HCRTR2: variants seen among roughly 807,000 people sequenced by gnomAD.
The protein encoded by HCRTR2 is hypocretin receptor 2.
In HCRTR2, 22 loss-of-function variants were observed where a neutral mutation model predicts 49.0. That is an observed-to-expected ratio of 0.45 (90% confidence interval 0.32 to 0.64). The LOEUF is 0.64. Among genes scored for constraint, HCRTR2 ranks in the 30% least tolerant of loss-of-function variants. The pLI is 0.04. For missense variants in HCRTR2, 491 were observed against 559.4 expected (o/e 0.88, Z 1.23); for synonymous variants, 236 against 205.3 (o/e 1.15, Z -1.28).
chr6:55,109,066 A>C (rs1053629776), intron 1 of HCRTR2, among the ~76,000 whole-genome samples: 1 of 152,242 alleles, frequency 6.6e-6, no homozygotes, highest in Non-Finnish European at 1.5e-5. Context: ...GATTGATCAT[A>C]TCACAGGACT....
At chr6:55,186,110 C>G (rs563562458) in intron 1 of HCRTR2, among the ~76,000 whole-genome samples, 5 of 152,042 alleles carry the variant, frequency 3.3e-5, no homozygotes, top group African/African-American at 4.8e-5. Flanking sequence ...CTGTTGTCTC[C>G]CTTAAGTAAA....
chr6:55,226,711 GTTT>G (rs777871106), intron 1 of HCRTR2, among the ~76,000 whole-genome samples: 203 of 74,284 alleles, frequency 2.7e-3, no homozygotes, highest in African/African-American at 0.01. Context: ...AATTCCAGGT[GTTT>G]TTTTTTTTTT....
intron 1 of HCRTR2, among the ~76,000 whole-genome samples, chr6:55,144,846 T>C (rs1252619761): frequency 6.6e-6 from 1 of 152,190 alleles, no homozygotes; most frequent in Non-Finnish European, 1.5e-5. Context: ...ATGCTTATCT[T>C]GTGAGCTCTG....
chr6:55,148,684 T>C (rs761502026), intron 1 of HCRTR2, among the ~76,000 whole-genome samples: 1 of 152,128 alleles, frequency 6.6e-6, no homozygotes, highest in Admixed American at 6.6e-5. Context: ...AAATACTGTA[T>C]CTCTGAGATG....
intron 1 of HCRTR2, among the ~76,000 whole-genome samples, chr6:55,154,426 A>G (rs917218390): frequency 2.0e-5 from 3 of 151,892 alleles, no homozygotes; most frequent in Non-Finnish European, 2.9e-5. Flanking sequence ...ATCATATAGC[A>G]TGACCAGTGA....
chr6:55,112,548 C>CAAAAA (rs34704863), intron 1 of HCRTR2, among the ~76,000 whole-genome samples: 1 of 79,166 alleles, frequency 1.3e-5, no homozygotes, highest in Non-Finnish European at 2.7e-5. Flanking sequence ...ACAATAGCTG[C>CAAAAA]AAAAAAAAAA....
At chr6:55,242,223 C>T (rs1766349796) in intron 1 of HCRTR2, among the ~76,000 whole-genome samples, 1 of 152,086 alleles carries the variant, frequency 6.6e-6, no homozygotes, top group Admixed American at 6.5e-5. Flanking sequence ...AATTCAACAA[C>T]TTAATCAGTT....
At chr6:55,237,069 C>T (rs1766228041) in intron 1 of HCRTR2, among the ~76,000 whole-genome samples, 1 of 151,912 alleles carries the variant, frequency 6.6e-6, no homozygotes, top group African/African-American at 2.4e-5. Context: ...ATGGTTTTAT[C>T]TAATCTTTCT....
intron 1 of HCRTR2, among the ~76,000 whole-genome samples, chr6:55,193,685 C>T (rs1284907872): frequency 6.6e-6 from 1 of 151,984 alleles, no homozygotes; most frequent in East Asian, 1.9e-4. Context: ...ATACTGTCTC[C>T]ACATTTCTCA....
At chr6:55,242,016 C>G (rs1042851121) in intron 1 of HCRTR2, among the ~76,000 whole-genome samples, 1 of 151,148 alleles carries the variant, frequency 6.6e-6, no homozygotes, top group Non-Finnish European at 1.5e-5. Context: ...TTACAGGCTC[C>G]CACCACCAAG....
At chr6:55,159,211 C>A (rs939833077) in intron 1 of HCRTR2, among the ~76,000 whole-genome samples, 1 of 151,888 alleles carries the variant, frequency 6.6e-6, no homozygotes, top group Non-Finnish European at 1.5e-5. Flanking sequence ...CTTCAGCAGA[C>A]GGGCCTGAGT....
At chr6:55,169,929 A>G (rs1460620018), upstream of HCRTR2, among the ~76,000 whole-genome samples, 1 of 152,056 alleles carries the variant, frequency 6.6e-6, no homozygotes, top group African/African-American at 2.4e-5. Context: ...AGATACATTT[A>G]CTGAAATGCA....
intron 1 of HCRTR2, among the ~76,000 whole-genome samples, chr6:55,169,257 A>G (rs1764917057): frequency 6.6e-6 from 1 of 151,748 alleles, no homozygotes; most frequent in Non-Finnish European, 1.5e-5. Context: ...ACATAAGGGG[A>G]AAATATCAGA....
chr6:55,170,873 G>T (rs141146795), upstream of HCRTR2, among the ~76,000 whole-genome samples: 151 of 151,742 alleles, frequency 1.0e-3, 1 homozygote, highest in East Asian at 0.027. Context: ...GAGAATCATG[G>T]TTTCCAGCTT....
chr6:55,211,585 G>A (rs1255690710), intron 1 of HCRTR2, among the ~76,000 whole-genome samples: 1 of 152,100 alleles, frequency 6.6e-6, no homozygotes, highest in African/African-American at 2.4e-5. Context: ...CATTCCAAAT[G>A]CCTTGGTATT....
intron 1 of HCRTR2, among the ~76,000 whole-genome samples, chr6:55,216,334 G>A (rs1349115945): frequency 6.6e-6 from 1 of 151,988 alleles, no homozygotes; most frequent in Non-Finnish European, 1.5e-5. Flanking sequence ...CATTCCCGTA[G>A]CCCCAAAGTC....
intron 3 of HCRTR2, among the ~76,000 whole-genome samples, chr6:55,255,809 A>C (rs1443182104): frequency 6.6e-6 from 1 of 152,144 alleles, no homozygotes; most frequent in Non-Finnish European, 1.5e-5. Flanking sequence ...GAATTTTTTC[A>C]TTTTAAGACC....
intron 1 of HCRTR2, among the ~76,000 whole-genome samples, chr6:55,107,802 T>G (rs1023262648): frequency 1.3e-5 from 2 of 152,160 alleles, no homozygotes; most frequent in African/African-American, 4.8e-5. Flanking sequence ...ATCTACTCAT[T>G]GTAATTAGAT....
chr6:55,282,140 G>GTTT, intron 6 of HCRTR2, 85 bp from the exon 7 acceptor site: 4 of 960,992 alleles, frequency 4.2e-6, no homozygotes, highest in South Asian at 4.2e-5. Flanking sequence ...TTTGGCTCAA[G>GTTT]GGAGCAACTC....
Sources: allele counts gnomAD v4.1 joint callset (sites outside exome capture counted in the v4.1 genomes callset), GRCh38; gene constraint gnomAD v4.1.1; transcripts MANE v1.5; gene names NCBI Gene and HGNC (gene_info 2026-07-23, HGNC 2026-07-21).